The following MTUS1 variants were observed in gnomAD, a reference collection of about 807,000 sequenced individuals.
MTUS1 encodes microtubule associated scaffold protein 1.
In MTUS1, 109 loss-of-function variants were observed where a neutral mutation model predicts 120.8. The ratio of observed to expected loss-of-function variants is 0.90; its 90% CI spans 0.77 to 1.06. MTUS1 has a LOEUF of 1.06. MTUS1 is among the 50% of genes least tolerant of loss of function. The pLI, the probability that MTUS1 is intolerant of heterozygous loss-of-function variation, is 0.00. For missense variants in MTUS1, 2,210 were observed against 1,486.3 expected (o/e 1.49, Z -8.01); for synonymous variants, 737 against 550.5 (o/e 1.34, Z -4.74).
At chr8:17,769,813 T>C (rs1224728166) in intron 1 of MTUS1, among the ~76,000 whole-genome samples, 1 of 150,654 alleles carries the variant, frequency 6.6e-6, no homozygotes, top group African/African-American at 2.4e-5. Flanking sequence ...CTCAGATCAT[T>C]TTAAATCATA....
intron 2 of MTUS1, among the ~76,000 whole-genome samples, chr8:17,745,379 T>C (rs1200540857): frequency 6.6e-6 from 1 of 152,222 alleles, no homozygotes; most frequent in Non-Finnish European, 1.5e-5. Flanking sequence ...ATCTACCTAT[T>C]ACTTGTTTCA....
At chr8:17,697,834 T>G in intron 6 of MTUS1, 1 of 574,114 alleles carries the variant, frequency 1.7e-6, no homozygotes, top group Non-Finnish European at 2.2e-6. Flanking sequence ...AATGTTTCTT[T>G]CATAATTAGA....
intron 8 of MTUS1, among the ~76,000 whole-genome samples, chr8:17,672,725 G>A (rs1261420468): frequency 6.6e-6 from 1 of 152,178 alleles, no homozygotes; most frequent in Non-Finnish European, 1.5e-5. Context: ...AGCACTGGGT[G>A]ACTGGGGATC....
intron 7 of MTUS1, among the ~76,000 whole-genome samples, chr8:17,680,938 TTTC>T (rs1814338142): frequency 3.3e-5 from 5 of 150,478 alleles, no homozygotes; most frequent in Admixed American, 2.0e-4. Flanking sequence ...ATTTGCTTTT[TTTC>T]TTTTTTTTTT....
chr8:17,653,278 G>C lies in MTUS1; in HGVS notation c.3292C>G (p.Gln1098Glu). ...TTTTCACTCTTCAGATCATTGATTT[G>C]CTTCTAAAACACAATGAAATGTGGA... ...LSEKQESLEK[Q>E]INDLKSENDA... is the part of the protein sequence containing the mutation. Residue 1098 changes from glutamine to glutamate, a missense_variant, in exon 12 of 15, where the codon CAA becomes GAA. Gln to Glu is a conservative substitution (Grantham distance 29). Transcript: ENST00000693296. 1 of 1,545,100 alleles carries C rather than the reference G, an allele frequency of 6.5e-7. No individual in the cohort carries two copies. The highest frequency in any genetic ancestry group is 1.4e-5 in the African/African-American group (1 of 71,850).
chr8:17,787,834 C>A (rs2051430991), intron 1 of MTUS1, among the ~76,000 whole-genome samples: 1 of 152,126 alleles, frequency 6.6e-6, no homozygotes, highest in African/African-American at 2.4e-5. Flanking sequence ...GTCACGAAGA[C>A]TTTCTGGCTG....
At chr8:17,693,297 A>C (rs1310975259) in intron 6 of MTUS1, 2 of 152,200 alleles carry the variant, frequency 1.3e-5, no homozygotes, top group Non-Finnish European at 2.9e-5. Context: ...TTAGATTTTC[A>C]TCTGTGCCTA....
chr8:17,775,784 T>C (rs2050378685), intron 1 of MTUS1, among the ~76,000 whole-genome samples: 1 of 152,166 alleles, frequency 6.6e-6, no homozygotes, highest in Non-Finnish European at 1.5e-5. Flanking sequence ...TCAGGTACAG[T>C]CTCCTGGTGA....
intron 8 of MTUS1, among the ~76,000 whole-genome samples, chr8:17,672,460 T>C (rs1052637483): frequency 6.6e-6 from 1 of 152,176 alleles, no homozygotes; most frequent in Non-Finnish European, 1.5e-5. Context: ...AACATCAGCC[T>C]AACCACTTTA....
At chr8:17,685,540 G>C (rs1169101693) in intron 6 of MTUS1, among the ~76,000 whole-genome samples, 1 of 151,838 alleles carries the variant, frequency 6.6e-6, no homozygotes, top group African/African-American at 2.4e-5. Flanking sequence ...TTCTGTGGTA[G>C]CAAATCTGAA....
intron 8 of MTUS1, among the ~76,000 whole-genome samples, chr8:17,665,746 G>A (rs73573044): frequency 6.6e-6 from 1 of 152,190 alleles, no homozygotes; most frequent in Non-Finnish European, 1.5e-5. Flanking sequence ...AGATGTAGAA[G>A]ACAAAGTTAA....
chr8:17,660,241 C>T (rs918514682), intron 8 of MTUS1, among the ~76,000 whole-genome samples: 4 of 152,008 alleles, frequency 2.6e-5, no homozygotes, highest in African/African-American at 7.3e-5. Flanking sequence ...GGCATGATGG[C>T]GCACGTCTGT....
chr8:17,706,834 T>C (rs1204513752), intron 6 of MTUS1, among the ~76,000 whole-genome samples: 2 of 152,242 alleles, frequency 1.3e-5, no homozygotes, highest in African/African-American at 4.8e-5. Context: ...GATTACTATA[T>C]GTTAAATGAC....
At chr8:17,724,110 T>C in intron 3 of MTUS1, 1 of 542,838 alleles carries the variant, frequency 1.8e-6, no homozygotes, top group Non-Finnish European at 3.4e-6. Flanking sequence ...ACACATGTTC[T>C]CTGAAGGAGA....
chr8:17,692,794 C>T (rs1019941320), intron 6 of MTUS1, among the ~76,000 whole-genome samples: 2 of 152,078 alleles, frequency 1.3e-5, no homozygotes, highest in Non-Finnish European at 2.9e-5. Context: ...GTACAATAAA[C>T]TCTGTGACAT....
At chr8:17,659,473 G>A (rs1809201724) in intron 8 of MTUS1, among the ~76,000 whole-genome samples, 1 of 152,226 alleles carries the variant, frequency 6.6e-6, no homozygotes, top group Non-Finnish European at 1.5e-5. Context: ...GAAGCGTGCA[G>A]ATCATGAGGT....
At chr8:17,673,615 C>A (rs1039541498) in intron 8 of MTUS1, among the ~76,000 whole-genome samples, 3 of 152,132 alleles carry the variant, frequency 2.0e-5, no homozygotes, top group African/African-American at 4.8e-5. Flanking sequence ...CCATGCTTGG[C>A]TGATTTTTAA....
intron 7 of MTUS1, among the ~76,000 whole-genome samples, chr8:17,679,199 TAC>T (rs1334956574): frequency 1.7e-5 from 1 of 60,316 alleles, no homozygotes; most frequent in Admixed American, 2.0e-4. Flanking sequence ...AAAATATATA[TAC>T]ACACACACAC....
rs1157999795 is a variant in MTUS1, at chr8:17,754,398, T to C, written c.1410A>G (p.Ala470=). The part of the protein sequence containing the change: ...GLKNIPDSKE[A]PVNLCKPSLG... ...AACTGGGTTTACACAGGTTCACAGG[T>C]GCCTCCTTCGAGTCTGGTATGTTTT... Residue 470 remains alanine (A), a synonymous_variant, in exon 2 of 15, where the codon GCA becomes GCG. Transcript: ENST00000693296. The C allele has an allele frequency of 6.2e-7, 1 of 1,614,184 alleles. No individual in the cohort carries two copies. The highest frequency in any genetic ancestry group is 2.2e-5 in the East Asian group (1 of 44,886).
Sources: gnomAD v4.1 joint callset for allele counts (sites outside exome capture counted in the v4.1 genomes callset) on GRCh38, gnomAD v4.1.1 for gene constraint, MANE v1.5 for transcripts, NCBI Gene and HGNC (gene_info 2026-07-23, HGNC 2026-07-21) for gene names.